FAM91A1: variants seen among roughly 807,000 people sequenced by gnomAD.
The protein encoded by FAM91A1 is protein FAM91A1.
Under a neutral mutation model 113.5 loss-of-function variants are expected in FAM91A1, and 41 were observed. The observed-to-expected ratio is 0.36, with a 90% CI of 0.28 to 0.47. The LOEUF is 0.47. Among genes scored for constraint, FAM91A1 ranks in the 20% least tolerant of loss-of-function variants. The pLI, the probability that FAM91A1 is intolerant of heterozygous loss-of-function variation, is 1.00. For missense variants in FAM91A1, 696 were observed against 1,001.2 expected (o/e 0.70, Z 4.11); for synonymous variants, 307 against 347.9 (o/e 0.88, Z 1.31).
chr8:123,781,333 T>G (rs1815114984), intron 8 of FAM91A1, among the ~76,000 whole-genome samples: 1 of 152,154 alleles, frequency 6.6e-6, no homozygotes, highest in African/African-American at 2.4e-5. Context: ...AAATTAGTGG[T>G]GATAGGGCTT....
Position 123,798,250 on chromosome 8 carries a change from CT to C in FAM91A1, c.1560+14del, listed in dbSNP as rs769459028. 11 of 1,612,646 alleles carry C rather than the reference CT, an allele frequency of 6.8e-6. No individual in the cohort carries two copies. Among genetic ancestry groups the C allele is most frequent in the Non-Finnish European group, 8.5e-6 (10 of 1,179,356 alleles). On this transcript the variant is annotated intron_variant, in intron 16 of 23. Coordinates refer to ENST00000334705, the MANE Select transcript of FAM91A1 (RefSeq NM_144963.4). ...GCTGCACCCCTCAGGTAAAGACCTA[CT>C]TGGAAGATCCACTTGGTAGTGTCAT...
intron 3 of FAM91A1, among the ~76,000 whole-genome samples, chr8:123,775,895 G>T (rs978353402): frequency 2.0e-5 from 3 of 152,110 alleles, no homozygotes; most frequent in Admixed American, 2.0e-4. Flanking sequence ...AACCTGGGAG[G>T]TGGAGGTTGC....
chr8:123,769,799 C>T (rs570585728), intron 1 of FAM91A1, among the ~76,000 whole-genome samples: 65 of 152,284 alleles, frequency 4.3e-4, no homozygotes, highest in African/African-American at 1.4e-3. Context: ...CTACAGATAA[C>T]GCACTGCTGC....
chr8:123,772,860 A>G (rs896609941), intron 1 of FAM91A1, among the ~76,000 whole-genome samples: 41 of 152,360 alleles, frequency 2.7e-4, no homozygotes, highest in African/African-American at 9.6e-4. Flanking sequence ...TAGAGAAAAG[A>G]AAATGCTATT....
rs568304340 is a variant in FAM91A1, at chr8:123,776,365, A to G, written c.310-900A>G. On this transcript the variant is annotated intron_variant, in intron 3 of 23. Coordinates refer to ENST00000334705, the MANE Select transcript of FAM91A1 (RefSeq NM_144963.4). ...TGTGGTAACATGAGGTTAGCCCTAC[A>G]TACGATGTGTGCTTTGCTGTTTGCT... Among the ~76,000 whole-genome samples, 3 of 152,346 alleles carry G rather than the reference A, an allele frequency of 2.0e-5. No homozygotes were observed. In the East Asian group the frequency reaches 5.8e-4, roughly 29 times the overall value.
At chr8:123,773,993 G>A (rs1241053984) in intron 1 of FAM91A1, 87 bp from the exon 2 acceptor site, 8 of 941,010 alleles carry the variant, frequency 8.5e-6, no homozygotes, top group Non-Finnish European at 1.1e-5. Flanking sequence ...AAAAATGGGG[G>A]TCGTGGTTTT....
intron 23 of FAM91A1, chr8:123,811,217 AAG>A (rs1262553594): frequency 1.3e-5 from 2 of 152,220 alleles, no homozygotes; most frequent in East Asian, 1.9e-4. Flanking sequence ...AACTTCATGA[AAG>A]AGGGGTAGAA....
chr8:123,796,075 A>C (rs1815512123), intron 15 of FAM91A1, among the ~76,000 whole-genome samples: 1 of 152,176 alleles, frequency 6.6e-6, no homozygotes, highest in African/African-American at 2.4e-5. Context: ...GTCCTGGTTA[A>C]CCCACGCAGA....
chr8:123,802,258 A>C (rs1470892801), intron 18 of FAM91A1, among the ~76,000 whole-genome samples: 1 of 152,206 alleles, frequency 6.6e-6, no homozygotes, highest in Non-Finnish European at 1.5e-5. Context: ...AGGACATGGT[A>C]ATAAGAATTG....
chr8:123,798,063 C>G (rs1586388592), intron 15 of FAM91A1, 27 bp from the exon 16 acceptor site: 1 of 1,587,392 alleles, frequency 6.3e-7, no homozygotes, highest in African/African-American at 1.4e-5. Context: ...GTCTTTTATT[C>G]TGTGTGTGTG....
At position 123,815,314 on chromosome 8, in the gene FAM91A1, GTAAC is replaced by G. The variant is rs1563652960; in HGVS notation, c.*2612_*2615del. On this transcript the variant is annotated 3_prime_UTR_variant, in exon 24 of 24. Coordinates refer to ENST00000334705, the MANE Select transcript of FAM91A1 (RefSeq NM_144963.4). ...TTTAAGGATTTTAAAATACCAAACTGTAACTGAGTACAGTGGATCGTTTTCTGTT... is the reference window on the plus strand; with the variant it reads ...TTTAAGGATTTTAAAATACCAAACTGTGAGTACAGTGGATCGTTTTCTGTT... 6.6e-6 allele frequency: 1 copy of G among 152,280 alleles called. No individual in the cohort carries two copies. Among genetic ancestry groups the G allele is most frequent in the Non-Finnish European group, 1.5e-5 (1 of 67,976 alleles). 9.4% of individuals were successfully genotyped at this position (152,280 alleles called of 1,614,324 possible). A position where few individuals can be genotyped will look rare whatever the true frequency, so the allele number is the denominator to read the frequency against.
Position 123,787,674 on chromosome 8 carries a change from G to A in FAM91A1, c.1202G>A (p.Ser401Asn). 6.2e-7 allele frequency: 1 copy of A among 1,611,764 alleles called. No homozygotes were observed. The highest frequency in any genetic ancestry group is 8.5e-7 in the Non-Finnish European group (1 of 1,179,128). Residue 401 changes from serine (S) to asparagine (N), a missense_variant, in exon 14 of 24, where the codon AGT becomes AAT. By Grantham distance (46) the Ser-to-Asn change is conservative. Transcript: ENST00000334705. ...GTTTCTTTTTTTCAGAACTTGAAAA[G>A]TCATGCAGTCACAATGTTTGAAGTA... ...MMGNLSPNLKSHAVTMFEVGK... is the reference protein window; with the variant it reads ...MMGNLSPNLKNHAVTMFEVGK...
chr8:123,796,535 C>T (rs1815524279), intron 15 of FAM91A1, among the ~76,000 whole-genome samples: 1 of 149,780 alleles, frequency 6.7e-6, no homozygotes, highest in African/African-American at 2.5e-5. Context: ...TCTCGGCTCA[C>T]TGTGACCTCC....
At chr8:123,770,461 G>A (rs370550980) in intron 1 of FAM91A1, among the ~76,000 whole-genome samples, 3 of 152,290 alleles carry the variant, frequency 2.0e-5, no homozygotes, top group East Asian at 3.9e-4. Flanking sequence ...CTTAAACTGG[G>A]AGAACAAAGC....
At chr8:123,775,867 A>AG (rs769190541) in intron 3 of FAM91A1, among the ~76,000 whole-genome samples, 4 of 152,054 alleles carry the variant, frequency 2.6e-5, no homozygotes, top group Admixed American at 2.0e-4. Context: ...CAGGAGGCTG[A>AG]GGGGGGAGAA....
intron 15 of FAM91A1, among the ~76,000 whole-genome samples, chr8:123,792,381 C>A (rs1469717092): frequency 1.3e-5 from 2 of 152,128 alleles, no homozygotes; most frequent in African/African-American, 4.8e-5. Context: ...AGTCCTTAAT[C>A]CCTTGGTTTT....
Position 123,768,480 on chromosome 8 carries a change from G to C in FAM91A1, c.-223G>C, listed in dbSNP as rs958048174. On this transcript the variant is annotated 5_prime_UTR_variant, in exon 1 of 24. Transcript: ENST00000334705. ...GCCCGAAACTAGGAAGAAACTTGGA[G>C]CTGTTCAGGCGATCCAGCCTCCAAT... is the stretch of plus-strand genomic sequence containing the variant. 2 of 462,180 alleles carry C rather than the reference G, an allele frequency of 4.3e-6. No individual in the cohort carries two copies. Among genetic ancestry groups the C allele is most frequent in the African/African-American group, 2.1e-5 (1 of 48,250 alleles). 28.6% of individuals were successfully genotyped at this position (462,180 alleles called of 1,614,324 possible).
chr8:123,785,268 C>A, intron 10 of FAM91A1, 149 bp downstream of exon 10: 1 of 688,752 alleles, frequency 1.5e-6, no homozygotes, highest in Non-Finnish European at 2.4e-6. Context: ...GGGGCACTTG[C>A]AAAGACAGGA....
chr8:123,768,632 C>T lies in FAM91A1; in HGVS notation c.-71C>T. The T allele has an allele frequency of 1.5e-6, 2 of 1,368,810 alleles. No individual in the cohort carries two copies. The highest frequency in any genetic ancestry group is 2.0e-6 in the Non-Finnish European group (2 of 1,003,820). 84.8% of individuals were successfully genotyped at this position (1,368,810 alleles called of 1,614,324 possible). ...CCCGCGTCGCTCCGCTGACAGGCTG[C>T]GGGCGGGCAGGCGGGAGGCGTAGTG... On this transcript the variant is annotated 5_prime_UTR_variant, in exon 1 of 24. Transcript: ENST00000334705.
Sources: allele counts gnomAD v4.1 joint callset (sites outside exome capture counted in the v4.1 genomes callset), GRCh38; gene constraint gnomAD v4.1.1; transcripts MANE v1.5; gene names NCBI Gene and HGNC (gene_info 2026-07-23, HGNC 2026-07-21).